The following PLD5 variants were observed in gnomAD, a reference collection of about 807,000 sequenced individuals.
PLD5 encodes the protein inactive phospholipase D5.
A neutral mutation model predicts 61.1 loss-of-function variants in PLD5; 36 were observed. The observed-to-expected ratio is 0.59, with a 90% CI of 0.45 to 0.78. The LOEUF is 0.78. Among genes scored for constraint, PLD5 ranks in the 30% least tolerant of loss-of-function variants. PLD5 has a pLI of 0.00. For synonymous variants in PLD5, 243 were observed against 242.8 expected, an observed-to-expected ratio of 1.00 and a Z score of -0.01; for missense variants, 515 against 644.4, an observed-to-expected ratio of 0.80 and a Z score of 2.17.
intron 1 of PLD5, among the ~76,000 whole-genome samples, chr1:242,383,300 CGAT>C (rs1558514553): frequency 6.6e-6 from 1 of 152,034 alleles, no homozygotes; most frequent in African/African-American, 2.4e-5. Flanking sequence ...CAAAGTGTAA[CGAT>C]GACATCTCAA....
intron 1 of PLD5, among the ~76,000 whole-genome samples, chr1:242,516,284 ATTC>A (rs4039075): frequency 0.34 from 49,902 of 146,942 alleles, 8,737 homozygotes; most frequent in Admixed American, 0.39. Context: ...ATATATACAT[ATTC>A]TTCTACTTTG....
At chr1:242,253,305 CTTTTTTTT>C (rs1181235404) in intron 4 of PLD5, among the ~76,000 whole-genome samples, 3 of 70,680 alleles carry the variant, frequency 4.2e-5, no homozygotes, top group African/African-American at 5.3e-5. Flanking sequence ...CCTCTCTTCA[CTTTTTTTT>C]TTTTTTTTTT....
In PLD5 at chr1:242,256,413, T is replaced by C. The variant is rs2494909; in HGVS notation, c.607+8924A>G. Reference sequence around the variant, plus strand: ...CAAGAATCATTCGTTTAAACGTAATTCCCACTGTGGCAGTATTAAGTGGTG... The same window carrying C: ...CAAGAATCATTCGTTTAAACGTAATCCCCACTGTGGCAGTATTAAGTGGTG... On this transcript the variant is annotated intron_variant, in intron 4 of 9. Transcript: ENST00000536534. The surrounding 1 kb of genome is among the most constrained non-coding windows in gnomAD (Gnocchi z 5.7). Among the ~76,000 whole-genome samples, 1 of 152,240 alleles carries C rather than the reference T, an allele frequency of 6.6e-6. No individual in the cohort carries two copies. The highest frequency in any genetic ancestry group is 1.5e-5 in the Non-Finnish European group (1 of 68,040).
chr1:242,136,464 G>C (rs1332347714), intron 5 of PLD5, among the ~76,000 whole-genome samples: 2 of 152,188 alleles, frequency 1.3e-5, no homozygotes, highest in Non-Finnish European at 2.9e-5. Context: ...GAATGGAGCA[G>C]CTGCTCAAGG....
At chr1:242,449,174 C>CA (rs1408902112) in intron 1 of PLD5, among the ~76,000 whole-genome samples, 1 of 152,024 alleles carries the variant, frequency 6.6e-6, no homozygotes, top group African/African-American at 2.4e-5. Context: ...AATCATTTTT[C>CA]AAAAAATCAG....
rs192043136 is a variant in PLD5, at chr1:242,336,502, G to A, written c.326+11604C>T. Among the ~76,000 whole-genome samples, 67 of 152,018 alleles carry A rather than the reference G, an allele frequency of 4.4e-4. No individual in the cohort carries two copies. In the South Asian group the frequency reaches 0.012, roughly 26 times the overall value. ...GCCATGGATCTATCTGTCTTAATACGTAAAGGCGTGGAAAAAAATCGTTCA... is the reference window on the plus strand; with the variant it reads ...GCCATGGATCTATCTGTCTTAATACATAAAGGCGTGGAAAAAAATCGTTCA... On this transcript the variant is annotated intron_variant, in intron 2 of 9. Transcript: ENST00000536534.
At chr1:242,522,843 G>C (rs1005271123) in intron 1 of PLD5, among the ~76,000 whole-genome samples, 3 of 152,178 alleles carry the variant, frequency 2.0e-5, no homozygotes, top group Non-Finnish European at 4.4e-5. Context: ...TTTGACATTA[G>C]CAAATGGCTC....
chr1:242,440,595 T>A (rs1558568939), intron 1 of PLD5, among the ~76,000 whole-genome samples: 2 of 152,218 alleles, frequency 1.3e-5, no homozygotes, highest in Non-Finnish European at 1.5e-5. Context: ...AGCAAAATTG[T>A]ATAGAGTGTC....
At chr1:242,529,610 A>G (rs1669510416), upstream of PLD5, among the ~76,000 whole-genome samples, 1 of 152,150 alleles carries the variant, frequency 6.6e-6, no homozygotes, top group Non-Finnish European at 1.5e-5. Context: ...TTGCTTGGGT[A>G]CATCTCTGCT....
chr1:242,416,680 T>C (rs1414343093), intron 1 of PLD5, among the ~76,000 whole-genome samples: 1 of 152,212 alleles, frequency 6.6e-6, no homozygotes, highest in African/African-American at 2.4e-5. Context: ...CCTGGAAACA[T>C]TTTCAGCTAA....
intron 4 of PLD5, among the ~76,000 whole-genome samples, chr1:242,259,736 T>C (rs1469829797): frequency 1.3e-5 from 2 of 152,184 alleles, no homozygotes; most frequent in South Asian, 4.1e-4. Flanking sequence ...CTTTATTTTA[T>C]TTTTAATTGT....
At chr1:242,226,756 G>A (rs76237500) in intron 4 of PLD5, among the ~76,000 whole-genome samples, 2,102 of 152,314 alleles carry the variant, frequency 0.014, 23 homozygotes, top group Non-Finnish European at 0.022. Context: ...AGCTTTAACA[G>A]AGACGCTTCA....
intron 4 of PLD5, among the ~76,000 whole-genome samples, chr1:242,235,158 C>T (rs866892267): frequency 1.3e-5 from 2 of 152,136 alleles, no homozygotes; most frequent in African/African-American, 4.8e-5. Flanking sequence ...TCTTATTTAG[C>T]ATTTGTCTTC....
At chr1:242,460,721 T>C (rs1475464219) in intron 1 of PLD5, among the ~76,000 whole-genome samples, 1 of 152,102 alleles carries the variant, frequency 6.6e-6, no homozygotes, top group Non-Finnish European at 1.5e-5. Flanking sequence ...CACTTCTGAA[T>C]AAAATTTTCA....
At chr1:242,188,468 T>G (rs558596082) in intron 5 of PLD5, among the ~76,000 whole-genome samples, 4 of 152,154 alleles carry the variant, frequency 2.6e-5, no homozygotes, top group African/African-American at 7.2e-5. Flanking sequence ...GAGATAAGAT[T>G]TGAAGTGGAG....
At position 242,180,147 on chromosome 1, in the gene PLD5, T is replaced by A. The variant is rs74150825; in HGVS notation, c.735+39841A>T. ...TGACCAAGGTGGGGTCCTGGCTGTGTCACCGACCAGATGTAAGCCCTGGGA... is the reference window on the plus strand; with the variant it reads ...TGACCAAGGTGGGGTCCTGGCTGTGACACCGACCAGATGTAAGCCCTGGGA... On this transcript the variant is annotated intron_variant, in intron 5 of 9. Coordinates refer to ENST00000536534, the MANE Select transcript of PLD5 (RefSeq NM_001372062.1). Among the ~76,000 whole-genome samples, 1,074 of 152,230 alleles carry A rather than the reference T, an allele frequency of 7.1e-3. 13 individuals are homozygous for A. The highest frequency in any genetic ancestry group is 0.025 in the African/African-American group (1,034 of 41,536).
chr1:242,342,039 T>C (rs1659863400), intron 2 of PLD5, among the ~76,000 whole-genome samples: 2 of 152,168 alleles, frequency 1.3e-5, no homozygotes, highest in African/African-American at 2.4e-5. Flanking sequence ...AATATGATTA[T>C]ATGGCAATGT....
At chr1:242,204,127 C>T (rs1306678295) in intron 5 of PLD5, among the ~76,000 whole-genome samples, 1 of 151,692 alleles carries the variant, frequency 6.6e-6, no homozygotes, top group Non-Finnish European at 1.5e-5. Context: ...CCTGTAGTCC[C>T]AGCTACTCAG....
At chr1:242,125,671 C>G (rs1193280199) in intron 5 of PLD5, among the ~76,000 whole-genome samples, 1 of 152,180 alleles carries the variant, frequency 6.6e-6, no homozygotes, top group African/African-American at 2.4e-5. Flanking sequence ...ATTAGGGAAA[C>G]CTTGGCTCTC....
Sources: allele counts gnomAD v4.1 joint callset (sites outside exome capture counted in the v4.1 genomes callset), GRCh38; gene constraint gnomAD v4.1.1; non-coding constraint Gnocchi (gnomAD v3.1); transcripts MANE v1.5; gene names NCBI Gene and HGNC (gene_info 2026-07-23, HGNC 2026-07-21).